The following ALOX5AP variants were observed in gnomAD, a reference collection of about 807,000 sequenced individuals.
ALOX5AP encodes the protein arachidonate 5-lipoxygenase-activating protein.
Under a neutral mutation model 18.5 loss-of-function variants are expected in ALOX5AP, and 9 were observed. The ratio of observed to expected loss-of-function variants is 0.49; its 90% CI spans 0.29 to 0.85. The LOEUF (loss-of-function observed/expected upper bound fraction) is 0.85. Ranked by LOEUF, ALOX5AP falls within the 40% of genes least tolerant of loss-of-function variation. The probability of loss-of-function intolerance (pLI) is 0.08; values close to 1 mark genes in which losing one functional copy is unlikely to be tolerated. For synonymous variants in ALOX5AP, 81 were observed against 78.6 expected (o/e 1.03, Z -0.16); for missense variants, 172 against 202.5 (o/e 0.85, Z 0.91).
At chr13:30,725,145 G>T (rs1032432539) in intron 1 of ALOX5AP, among the ~76,000 whole-genome samples, 1 of 136,190 alleles carries the variant, frequency 7.3e-6, no homozygotes, top group East Asian at 2.2e-4. Context: ...GAAGATGTCC[G>T]TGAGTTACAG....
upstream of ALOX5AP, among the ~76,000 whole-genome samples, chr13:30,730,788 G>T (rs887760709): frequency 2.0e-5 from 3 of 152,242 alleles, no homozygotes; most frequent in African/African-American, 7.2e-5. Context: ...TTTAACAGCA[G>T]CTGGGCAGAG....
At chr13:30,741,881 G>C (rs189557826) in intron 1 of ALOX5AP, among the ~76,000 whole-genome samples, 14 of 145,550 alleles carry the variant, frequency 9.6e-5, no homozygotes, top group Admixed American at 7.6e-4. Context: ...GTTGACTCCA[G>C]GAATGCAGAA....
chr13:30,723,497 A>G (rs774262799), intron 1 of ALOX5AP, among the ~76,000 whole-genome samples: 3 of 152,226 alleles, frequency 2.0e-5, no homozygotes, highest in Non-Finnish European at 4.4e-5. Flanking sequence ...GGGATATATA[A>G]TAAAGTATTT....
chr13:30,747,419 C>T (rs17245183), intron 2 of ALOX5AP, among the ~76,000 whole-genome samples: 265 of 152,308 alleles, frequency 1.7e-3, no homozygotes, highest in Non-Finnish European at 3.0e-3. Context: ...GTTATCCACC[C>T]GCCTTGGCCC....
At chr13:30,715,523 A>T (rs1951543349) in intron 1 of ALOX5AP, among the ~76,000 whole-genome samples, 1 of 152,120 alleles carries the variant, frequency 6.6e-6, no homozygotes, top group African/African-American at 2.4e-5. Context: ...CACCATGCAG[A>T]TGCAACAGGT....
At chr13:30,757,172 C>T (rs559683786) in intron 4 of ALOX5AP, among the ~76,000 whole-genome samples, 3 of 152,242 alleles carry the variant, frequency 2.0e-5, no homozygotes, top group African/African-American at 7.2e-5. Context: ...TACAATAGCA[C>T]CCCTCTCTAG....
chr13:30,717,787 T>A (rs1185569174), intron 1 of ALOX5AP, among the ~76,000 whole-genome samples: 3 of 151,970 alleles, frequency 2.0e-5, no homozygotes, highest in Non-Finnish European at 4.4e-5. Flanking sequence ...TCTTGGGTTT[T>A]TATGGAAGCT....
At chr13:30,735,967 A>G (rs1250523230) in intron 1 of ALOX5AP, among the ~76,000 whole-genome samples, 1 of 152,186 alleles carries the variant, frequency 6.6e-6, no homozygotes, top group Non-Finnish European at 1.5e-5. Context: ...GTCTATGATC[A>G]GCATTTTAAC....
At position 30,752,266 on chromosome 13, in the gene ALOX5AP, G is replaced by T; in HGVS notation, c.241+144G>T. 3.9e-6 allele frequency: 3 copies of T among 775,114 alleles called. No individual in the cohort carries two copies. The South Asian group carries it at 5.1e-5, about 13-fold the overall frequency. The allele number at this position is 775,114 out of a possible 1,614,324, so 48.0% of individuals were successfully genotyped here. A position where few individuals can be genotyped will look rare whatever the true frequency, so the allele number is the denominator to read the frequency against. On this transcript the variant is annotated intron_variant, in intron 3 of 4. Transcript: ENST00000380490. ...CTGGAGAGGTGAGAGCCCTCGGGAG[G>T]CCGTGTTTCAGGCATGCTCTGCACC... is the stretch of plus-strand genomic sequence containing the variant.
chr13:30,745,261 G>C (rs1009087022), intron 2 of ALOX5AP, among the ~76,000 whole-genome samples: 30 of 152,162 alleles, frequency 2.0e-4, no homozygotes, highest in African/African-American at 7.2e-4. Context: ...AGGCATGAGG[G>C]GATTGGAGGG....
chr13:30,763,306 T>C (rs1478996154), intron 4 of ALOX5AP, among the ~76,000 whole-genome samples: 6 of 152,124 alleles, frequency 3.9e-5, no homozygotes, highest in Non-Finnish European at 8.8e-5. Flanking sequence ...AGACTCTATC[T>C]CAAAAACAAA....
chr13:30,734,467 C>T (rs1951705266), upstream of ALOX5AP, among the ~76,000 whole-genome samples: 2 of 152,320 alleles, frequency 1.3e-5, 1 homozygote, highest in East Asian at 3.9e-4. Flanking sequence ...TTAACCAATG[C>T]CAAATAGCTA....
rs201992948 is a variant in ALOX5AP at position 30,764,285 on chromosome 13, G to A, written c.*179G>A. The A allele has an allele frequency of 1.6e-4, 102 of 634,012 alleles. No homozygotes were observed. The highest frequency in any genetic ancestry group is 1.4e-3 in the African/African-American group (76 of 53,184). The allele number at this position is 634,012 out of a possible 1,614,324, so 39.3% of individuals were successfully genotyped here. A position where few individuals can be genotyped will look rare whatever the true frequency, so the allele number is the denominator to read the frequency against. ...AACAAAATGATGTCATGTCAGCTCC[G>A]CCCCTTGAACATGACCGTGGCCCCA... On this transcript the variant is annotated 3_prime_UTR_variant, in exon 5 of 5. Coordinates refer to ENST00000380490, the MANE Select transcript of ALOX5AP (RefSeq NM_001629.4).
At chr13:30,757,972 C>T (rs757668685) in intron 4 of ALOX5AP, among the ~76,000 whole-genome samples, 3 of 152,152 alleles carry the variant, frequency 2.0e-5, no homozygotes, top group Non-Finnish European at 2.9e-5. Flanking sequence ...CCCCATAACC[C>T]GCCATCTGCG....
At chr13:30,747,137 A>G (rs1951815781) in intron 2 of ALOX5AP, among the ~76,000 whole-genome samples, 1 of 152,182 alleles carries the variant, frequency 6.6e-6, no homozygotes, top group Admixed American at 6.6e-5. Context: ...GCTAAAAGGA[A>G]TTGGACCTGG....
At chr13:30,723,183 A>G (rs1036159960) in intron 1 of ALOX5AP, among the ~76,000 whole-genome samples, 4 of 152,236 alleles carry the variant, frequency 2.6e-5, no homozygotes, top group Non-Finnish European at 5.9e-5. Flanking sequence ...TGAAAATCCT[A>G]TAAGATCATA....
At chr13:30,738,938 A>G (rs938757692) in intron 1 of ALOX5AP, among the ~76,000 whole-genome samples, 1 of 152,088 alleles carries the variant, frequency 6.6e-6, no homozygotes, top group Non-Finnish European at 1.5e-5. Context: ...ACCCCAACAC[A>G]CACACACACA....
At chr13:30,733,052 A>G (rs1566081803), upstream of ALOX5AP, among the ~76,000 whole-genome samples, 2 of 150,850 alleles carry the variant, frequency 1.3e-5, no homozygotes. Context: ...CCAGCTACTG[A>G]GGAGGCTGAG....
In ALOX5AP at chr13:30,751,609, C is replaced by T. The variant is rs571752777; in HGVS notation, c.171-443C>T. Among the ~76,000 whole-genome samples, 11 of 152,310 alleles carry T rather than the reference C, an allele frequency of 7.2e-5. No individual in the cohort carries two copies. In the South Asian group the frequency reaches 1.9e-3, roughly 26 times the overall value. On this transcript the variant is annotated intron_variant, in intron 2 of 4. Coordinates refer to ENST00000380490, the MANE Select transcript of ALOX5AP (RefSeq NM_001629.4). Reference sequence around the variant, plus strand: ...CATTTGAAGATCACCCTTCTTTGCTCAGCCTGGCTTGCAGACCTGGGCTGA... The same window carrying T: ...CATTTGAAGATCACCCTTCTTTGCTTAGCCTGGCTTGCAGACCTGGGCTGA...
Sources: allele counts gnomAD v4.1 joint callset (sites outside exome capture counted in the v4.1 genomes callset), GRCh38; gene constraint gnomAD v4.1.1; transcripts MANE v1.5; gene names NCBI Gene and HGNC (gene_info 2026-07-23, HGNC 2026-07-21).